The following PDZRN3 variants were observed in gnomAD, a reference collection of about 807,000 sequenced individuals.
PDZRN3 encodes E3 ubiquitin-protein ligase PDZRN3.
A neutral mutation model predicts 85.7 loss-of-function variants in PDZRN3; 38 were observed. The ratio of observed to expected loss-of-function variants is 0.44; its 90% CI spans 0.34 to 0.58. The LOEUF (loss-of-function observed/expected upper bound fraction) is 0.58. Ranked by LOEUF, PDZRN3 falls within the 20% of genes least tolerant of loss-of-function variation. PDZRN3 has a pLI of 0.01. For synonymous variants in PDZRN3, 759 were observed against 638.0 expected, an observed-to-expected ratio of 1.19 and a Z score of -2.86; for missense variants, 1,629 against 1,506.4, an observed-to-expected ratio of 1.08 and a Z score of -1.35.
chr3:73,404,315 C>A lies in PDZRN3; in HGVS notation c.999G>T (p.Val333=), dbSNP rs1248082210. 1 of 1,614,018 alleles carries A rather than the reference C, an allele frequency of 6.2e-7. No homozygotes were observed. Among genetic ancestry groups the A allele is most frequent in the Non-Finnish European group, 8.5e-7 (1 of 1,180,010 alleles). Residue 333 remains valine (V), a synonymous_variant, in exon 4 of 10, where the codon GTG becomes GTT. Transcript: ENST00000263666. Reference sequence around the variant, plus strand: ...TCCTTGGTGTTCTTCTCAACACCTGCACCACTATGGGCTCCTTGGCTGTCT... The same window carrying A: ...TCCTTGGTGTTCTTCTCAACACCTGAACCACTATGGGCTCCTTGGCTGTCT... The part of the protein sequence containing the change: ...AFKTAKEPIV[V]QVLRRTPRTK...
chr3:73,494,599 C>T (rs1399327692), intron 3 of PDZRN3, among the ~76,000 whole-genome samples: 1 of 152,150 alleles, frequency 6.6e-6, no homozygotes, highest in African/African-American at 2.4e-5. Context: ...ATAAGTTTCA[C>T]CGCAATTGTA....
Position 73,620,200 on chromosome 3 carries a change from G to A in PDZRN3, c.723+3903C>T, listed in dbSNP as rs180945507. ...CCACGGTGGTCATTTGAGTGAGCTGGAGAGCTGTGAATAGATTCAAAATGT... is the reference window on the plus strand; with the variant it reads ...CCACGGTGGTCATTTGAGTGAGCTGAAGAGCTGTGAATAGATTCAAAATGT... On this transcript the variant is annotated intron_variant, in intron 1 of 9. Transcript: ENST00000263666. Among the ~76,000 whole-genome samples, 4 of 152,322 alleles carry A rather than the reference G, an allele frequency of 2.6e-5. No individual in the cohort carries two copies. In the East Asian group the frequency reaches 7.7e-4, roughly 29 times the overall value.
At chr3:73,450,534 G>A (rs1040092640) in intron 3 of PDZRN3, among the ~76,000 whole-genome samples, 1 of 152,150 alleles carries the variant, frequency 6.6e-6, no homozygotes, top group Non-Finnish European at 1.5e-5. Context: ...TAGCAGGGAG[G>A]ACATGCTATA....
intron 3 of PDZRN3, among the ~76,000 whole-genome samples, chr3:73,459,791 T>C (rs1703067099): frequency 6.6e-6 from 1 of 152,226 alleles, no homozygotes; most frequent in African/African-American, 2.4e-5. Flanking sequence ...TCTTTGCTAT[T>C]GTGAATAGAA....
chr3:73,488,855 C>T lies in PDZRN3; in HGVS notation c.919-84460G>A, dbSNP rs537848009. 2.9e-4 allele frequency among the ~76,000 whole-genome samples: 44 copies of T among 152,344 alleles called. 1 individual carries two copies. In the East Asian group the frequency reaches 7.3e-3, roughly 25 times the overall value. On this transcript the variant is annotated intron_variant, in intron 3 of 9. Transcript: ENST00000263666. The stretch of plus-strand genomic sequence containing the variant: ...GCACTGGGGACCTGGAGGCTTGGCC[C>T]CTCCTGGCCCCCTCCTCCCCATCTC...
chr3:73,584,477 G>A (rs1047618764), intron 3 of PDZRN3, among the ~76,000 whole-genome samples: 1 of 110,900 alleles, frequency 9.0e-6, no homozygotes, highest in East Asian at 2.7e-4. Flanking sequence ...GTGTGTGTGT[G>A]TGTGTGTGTG....
Position 73,591,631 on chromosome 3 carries a change from C to T in PDZRN3, c.918+10723G>A, listed in dbSNP as rs768704484. On this transcript the variant is annotated intron_variant, in intron 3 of 9. Transcript: ENST00000263666. Reference sequence around the variant, plus strand: ...CAGGAAACAACACAGCATAGCTAACCACCTGGTGAGCATTTATTCCGGGGC... The same window carrying T: ...CAGGAAACAACACAGCATAGCTAACTACCTGGTGAGCATTTATTCCGGGGC... Among the ~76,000 whole-genome samples the T allele has an allele frequency of 7.0e-4, 106 of 152,128 alleles. 1 individual carries two copies. The highest frequency in any genetic ancestry group is 1.9e-4 in the Non-Finnish European group (13 of 68,024).
intron 3 of PDZRN3, among the ~76,000 whole-genome samples, chr3:73,541,988 C>G (rs1437235182): frequency 6.6e-6 from 1 of 152,022 alleles, no homozygotes; most frequent in Admixed American, 6.6e-5. Flanking sequence ...TGGAAATATT[C>G]TAGACCCCGA....
intron 3 of PDZRN3, among the ~76,000 whole-genome samples, chr3:73,416,314 C>T (rs771367854): frequency 1.5e-4 from 22 of 150,354 alleles, no homozygotes; most frequent in African/African-American, 3.8e-4. Flanking sequence ...AAATACTTGA[C>T]GTGTGAGGTC....
intron 8 of PDZRN3, among the ~76,000 whole-genome samples, chr3:73,386,571 C>T (rs949029238): frequency 2.6e-5 from 4 of 152,154 alleles, no homozygotes; most frequent in Non-Finnish European, 4.4e-5. Flanking sequence ...CTCTATAGCC[C>T]ATGGGCTGAA....
intron 3 of PDZRN3, among the ~76,000 whole-genome samples, chr3:73,552,853 A>C (rs1701594964): frequency 6.6e-6 from 1 of 152,222 alleles, no homozygotes; most frequent in Non-Finnish European, 1.5e-5. Context: ...TAAACAACAC[A>C]GTCCTACCGA....
intron 3 of PDZRN3, among the ~76,000 whole-genome samples, chr3:73,597,079 A>T (rs1436737337): frequency 6.6e-6 from 1 of 152,202 alleles, no homozygotes; most frequent in African/African-American, 2.4e-5. Context: ...GTCGAAATGA[A>T]ACATTTTTTA....
chr3:73,609,368 G>T (rs1159155895), intron 1 of PDZRN3, among the ~76,000 whole-genome samples: 1 of 152,198 alleles, frequency 6.6e-6, no homozygotes, highest in Non-Finnish European at 1.5e-5. Flanking sequence ...GACCCAGGCA[G>T]GTCACAGAGC....
chr3:73,535,759 T>C (rs964543526), intron 3 of PDZRN3, among the ~76,000 whole-genome samples: 1 of 152,216 alleles, frequency 6.6e-6, no homozygotes, highest in African/African-American at 2.4e-5. Context: ...TTGTTACATA[T>C]GGTGTAAATC....
intron 7 of PDZRN3, among the ~76,000 whole-genome samples, chr3:73,388,951 AAAAAAG>A (rs1375285624): frequency 1.3e-5 from 2 of 148,558 alleles, no homozygotes; most frequent in South Asian, 2.1e-4. Flanking sequence ...AAAAAAAAAA[AAAAAAG>A]AGGCAGTATG....
intron 1 of PDZRN3, among the ~76,000 whole-genome samples, chr3:73,622,597 G>A (rs757262155): frequency 1.3e-5 from 2 of 152,168 alleles, no homozygotes; most frequent in Non-Finnish European, 2.9e-5. Context: ...GACTTGGGAG[G>A]GAGGCCAAGA....
At chr3:73,550,038 C>T (rs751192870) in intron 3 of PDZRN3, among the ~76,000 whole-genome samples, 14 of 152,136 alleles carry the variant, frequency 9.2e-5, no homozygotes, top group Non-Finnish European at 1.6e-4. Flanking sequence ...GCCTATGAAC[C>T]GGGAAGCATA....
At chr3:73,559,644 T>C (rs1041258824) in intron 3 of PDZRN3, among the ~76,000 whole-genome samples, 1 of 152,360 alleles carries the variant, frequency 6.6e-6, no homozygotes, top group Non-Finnish European at 1.5e-5. Flanking sequence ...CATGTGATAC[T>C]TGTTTCCTAT....
chr3:73,421,616 T>C (rs1463936077), intron 3 of PDZRN3, among the ~76,000 whole-genome samples: 1 of 152,232 alleles, frequency 6.6e-6, no homozygotes, highest in Non-Finnish European at 1.5e-5. Context: ...AGATATCACC[T>C]TGATACCTCA....
Sources: gnomAD v4.1 joint callset for allele counts (sites outside exome capture counted in the v4.1 genomes callset) on GRCh38, gnomAD v4.1.1 for gene constraint, MANE v1.5 for transcripts, NCBI Gene and HGNC (gene_info 2026-07-23, HGNC 2026-07-21) for gene names.